The following CNTNAP2 variants were observed in gnomAD, a reference collection of about 807,000 sequenced individuals.
CNTNAP2 encodes contactin associated protein 2.
In CNTNAP2, 98 loss-of-function variants were observed where a neutral mutation model predicts 155.2. The ratio of observed to expected loss-of-function variants is 0.63; its 90% CI spans 0.54 to 0.75. The LOEUF (loss-of-function observed/expected upper bound fraction) is 0.75. Ranked by LOEUF, CNTNAP2 falls within the 30% of genes least tolerant of loss-of-function variation. The pLI, the probability that CNTNAP2 is intolerant of heterozygous loss-of-function variation, is 0.00. For synonymous variants in CNTNAP2, 651 were observed against 631.2 expected (o/e 1.03, Z -0.47); for missense variants, 1,727 against 1,688.1 (o/e 1.02, Z -0.40).
At chr7:146,417,978 G>A (rs1795961499) in intron 1 of CNTNAP2, among the ~76,000 whole-genome samples, 1 of 152,108 alleles carries the variant, frequency 6.6e-6, no homozygotes, top group Admixed American at 6.6e-5. Flanking sequence ...TTACCTTCCA[G>A]TTGGGGGATA....
At chr7:146,400,729 G>A (rs1233710378) in intron 1 of CNTNAP2, among the ~76,000 whole-genome samples, 1 of 152,214 alleles carries the variant, frequency 6.6e-6, no homozygotes, top group Non-Finnish European at 1.5e-5. Flanking sequence ...TTAACTATTA[G>A]TTGTTGATTG....
chr7:147,950,847 A>T (rs1184840112), intron 14 of CNTNAP2, among the ~76,000 whole-genome samples: 1 of 152,192 alleles, frequency 6.6e-6, no homozygotes, highest in Non-Finnish European at 1.5e-5. Context: ...ATCACCAGAG[A>T]TAGGGAGTGA....
At chr7:146,370,387 G>A (rs1311252765) in intron 1 of CNTNAP2, among the ~76,000 whole-genome samples, 3 of 150,946 alleles carry the variant, frequency 2.0e-5, no homozygotes, top group South Asian at 2.1e-4. Context: ...GCAGTGAGCC[G>A]AAATTATGCC....
chr7:147,458,548 C>T (rs1331403372), intron 10 of CNTNAP2, among the ~76,000 whole-genome samples: 2 of 152,146 alleles, frequency 1.3e-5, no homozygotes, highest in African/African-American at 2.4e-5. Context: ...TGATATCAGA[C>T]TTGACCTGAA....
chr7:146,154,991 G>A (rs1798103718), intron 1 of CNTNAP2, among the ~76,000 whole-genome samples: 1 of 152,144 alleles, frequency 6.6e-6, no homozygotes, highest in South Asian at 2.1e-4. Flanking sequence ...ATAAGAACAG[G>A]AACAGATAAT....
chr7:146,829,202 A>C (rs1803463586), intron 2 of CNTNAP2, among the ~76,000 whole-genome samples: 1 of 152,098 alleles, frequency 6.6e-6, no homozygotes, highest in South Asian at 2.1e-4. Context: ...CTCACAACTG[A>C]CACTCTGCTT....
At position 147,425,268 on chromosome 7, in the gene CNTNAP2, TAA is replaced by T. The variant is rs5888255; in HGVS notation, c.1670+29500_1670+29501del. Among the ~76,000 whole-genome samples the T allele has an allele frequency of 7.1e-3, 1,049 of 147,440 alleles. 9 individuals are homozygous for T. The highest frequency in any genetic ancestry group is 0.018 in the African/African-American group (733 of 40,226). On this transcript the variant is annotated intron_variant, in intron 10 of 23. Coordinates refer to ENST00000361727, the MANE Select transcript of CNTNAP2 (RefSeq NM_014141.6). ...TGTTCCACACAATGACCATTGCCTT[TAA>T]AAAAAAAAAAATCACTGTTCAGGAT...
At chr7:148,025,571 C>T (rs1381665746) in intron 15 of CNTNAP2, among the ~76,000 whole-genome samples, 4 of 152,204 alleles carry the variant, frequency 2.6e-5, no homozygotes, top group Admixed American at 1.3e-4. Context: ...GAGCAGCAGG[C>T]AAGATTAACC....
chr7:148,046,391 TTTAA>T (rs1284082301), intron 15 of CNTNAP2, among the ~76,000 whole-genome samples: 3 of 152,248 alleles, frequency 2.0e-5, no homozygotes, highest in African/African-American at 4.8e-5. Flanking sequence ...ATAGTTTATA[TTTAA>T]TTGAGTGTAG....
At chr7:147,349,106 T>C (rs1047950804) in intron 9 of CNTNAP2, among the ~76,000 whole-genome samples, 1 of 151,940 alleles carries the variant, frequency 6.6e-6, no homozygotes, top group Admixed American at 6.6e-5. Flanking sequence ...CAATAATACA[T>C]AGTTTCAAAT....
At chr7:147,736,753 T>C (rs1796854278) in intron 13 of CNTNAP2, among the ~76,000 whole-genome samples, 1 of 152,222 alleles carries the variant, frequency 6.6e-6, no homozygotes, top group South Asian at 2.1e-4. Context: ...ACTTCTCTTC[T>C]TGCTTCATTT....
rs1215334886 is a variant in CNTNAP2, at chr7:148,008,712, G to A, written c.2383+30723G>A. Among the ~76,000 whole-genome samples, 14 of 152,214 alleles carry A rather than the reference G, an allele frequency of 9.2e-5. No homozygotes were observed. In the East Asian group the frequency reaches 2.5e-3, roughly 27 times the overall value. On this transcript the variant is annotated intron_variant, in intron 15 of 23. Coordinates refer to ENST00000361727, the MANE Select transcript of CNTNAP2 (RefSeq NM_014141.6). ...GTGTAGTTCAATTCATTTAACCTGA[G>A]TTCCTCTGGCTACAAATCTGGAGTC... is the stretch of plus-strand genomic sequence containing the variant.
intron 10 of CNTNAP2, among the ~76,000 whole-genome samples, chr7:147,481,202 C>T (rs77961855): frequency 6.6e-6 from 1 of 152,160 alleles, no homozygotes; most frequent in Non-Finnish European, 1.5e-5. Flanking sequence ...AAGCCTTCAA[C>T]GTGCGTTGAT....
intron 1 of CNTNAP2, among the ~76,000 whole-genome samples, chr7:146,733,426 AAAC>A (rs1166438590): frequency 4.1e-5 from 6 of 147,800 alleles, no homozygotes; most frequent in Admixed American, 4.0e-4. Flanking sequence ...AAAAAACAAA[AAAC>A]AAGAAATAAA....
At chr7:147,125,102 G>A (rs1387109289) in intron 6 of CNTNAP2, among the ~76,000 whole-genome samples, 2 of 151,554 alleles carry the variant, frequency 1.3e-5, no homozygotes, top group Non-Finnish European at 2.9e-5. Context: ...GGATGGTCTC[G>A]ATCTCCTGAC....
rs761127662 is a variant in CNTNAP2, at chr7:146,492,575, C to T, written c.98-281696C>T. Among the ~76,000 whole-genome samples, 16 of 152,122 alleles carry T rather than the reference C, an allele frequency of 1.1e-4. 1 individual carries two copies. In the South Asian group the frequency reaches 1.2e-3, roughly 12 times the overall value. On this transcript the variant is annotated intron_variant, in intron 1 of 23. Coordinates refer to ENST00000361727, the MANE Select transcript of CNTNAP2 (RefSeq NM_014141.6). ...GGCAGAATTCTAAAAGCAACTTGTA[C>T]GCAACTCTAAGACAGATGAATGTAT...
chr7:146,119,581 G>A (rs926183404), intron 1 of CNTNAP2, among the ~76,000 whole-genome samples: 1 of 152,118 alleles, frequency 6.6e-6, no homozygotes, highest in Non-Finnish European at 1.5e-5. Context: ...GAAGTTTAAA[G>A]AAAATATTTC....
At chr7:147,665,026 T>C (rs1795671698) in intron 13 of CNTNAP2, among the ~76,000 whole-genome samples, 2 of 152,058 alleles carry the variant, frequency 1.3e-5, no homozygotes, top group Admixed American at 6.5e-5. Flanking sequence ...TGTGTAAGAG[T>C]TGTAGATGCA....
chr7:147,121,448 T>C (rs1563084013), intron 6 of CNTNAP2: 1 of 330,610 alleles, frequency 3.0e-6, no homozygotes, highest in Admixed American at 4.8e-5. Flanking sequence ...AAATTTAATT[T>C]GTAATCCTTT....
Sources: gnomAD v4.1 joint callset for allele counts (sites outside exome capture counted in the v4.1 genomes callset) on GRCh38, gnomAD v4.1.1 for gene constraint, MANE v1.5 for transcripts, NCBI Gene and HGNC (gene_info 2026-07-23, HGNC 2026-07-21) for gene names.